PC: variants seen among roughly 807,000 people sequenced by gnomAD.
PC encodes the protein pyruvate carboxylase.
PC carries 46 observed loss-of-function variants against 107.8 expected under a neutral mutation model. The observed-to-expected ratio is 0.43, with a 90% CI of 0.34 to 0.55. The LOEUF (loss-of-function observed/expected upper bound fraction) is 0.55, where lower values mean the gene tolerates loss of function less well. Among genes scored for constraint, PC ranks in the 20% least tolerant of loss-of-function variants. PC has a pLI of 0.04. For missense variants in PC, 1,241 were observed against 1,643.1 expected, an observed-to-expected ratio of 0.76 and a Z score of 4.23; for synonymous variants, 662 against 684.7, an observed-to-expected ratio of 0.97 and a Z score of 0.52.
chr11:66,937,237 C>T (rs189665179), intron 3 of PC, among the ~76,000 whole-genome samples: 1 of 152,224 alleles, frequency 6.6e-6, no homozygotes, highest in Admixed American at 6.5e-5. Context: ...GAGGTCAGGA[C>T]CATCTAAGAC....
At chr11:66,862,642 A>T (rs1200888260) in intron 12 of PC, among the ~76,000 whole-genome samples, 1 of 152,166 alleles carries the variant, frequency 6.6e-6, no homozygotes, top group Non-Finnish European at 1.5e-5. Flanking sequence ...TGCCATTCTG[A>T]GGGTGGCTCC....
At chr11:66,914,354 A>C (rs1222874117) in intron 3 of PC, among the ~76,000 whole-genome samples, 1 of 152,146 alleles carries the variant, frequency 6.6e-6, no homozygotes, top group Non-Finnish European at 1.5e-5. Flanking sequence ...TCTACTAAAA[A>C]TACAAAAATT....
chr11:66,920,170 G>A (rs935589671), intron 3 of PC, among the ~76,000 whole-genome samples: 4 of 152,132 alleles, frequency 2.6e-5, no homozygotes, highest in African/African-American at 9.7e-5. Flanking sequence ...GGGAGGAGGG[G>A]AAAGACGAGA....
rs1946700546 is a variant in PC at position 66,870,869 on chromosome 11, C to T, written c.657G>A (p.Arg219=). The T allele has an allele frequency of 6.2e-7, 1 of 1,613,342 alleles. No individual in the cohort carries two copies. Among genetic ancestry groups the T allele is most frequent in the Non-Finnish European group, 8.5e-7 (1 of 1,180,016 alleles). The change falls in exon 8 of 23, where the codon CGG becomes CGA. Residue 219 remains arginine, a synonymous_variant. Transcript: ENST00000393960. The surrounding 1 kb of genome is among the most constrained non-coding windows in gnomAD (Gnocchi z 6.1). ...SYEELEENYT[R]AYSEALAAFG... ...AGGCGGCCAGAGCCTCTGAGTAGGC[C>T]CGGGTGTAATTCTCCTCCAGCTCCT...
intron 3 of PC, among the ~76,000 whole-genome samples, chr11:66,951,343 G>A (rs577199328): frequency 6.6e-6 from 1 of 152,178 alleles, no homozygotes; most frequent in African/African-American, 2.4e-5. Context: ...AGACCAGCAG[G>A]GGGAGAGGGG....
intron 3 of PC, among the ~76,000 whole-genome samples, chr11:66,907,089 A>G (rs1948189174): frequency 6.6e-6 from 1 of 152,254 alleles, no homozygotes; most frequent in Non-Finnish European, 1.5e-5. Flanking sequence ...AACTATGAGC[A>G]GGGCCTCCCC....
At chr11:66,886,208 G>C (rs576830313) in intron 3 of PC, among the ~76,000 whole-genome samples, 1 of 151,826 alleles carries the variant, frequency 6.6e-6, no homozygotes, top group African/African-American at 2.4e-5. Flanking sequence ...GGGAGGGAGG[G>C]GGGCAGGCAG....
Position 66,852,946 on chromosome 11 carries a change from C to A in PC, c.1514-110G>T, listed in dbSNP as rs538855994. 4 of 890,660 alleles carry A rather than the reference C, an allele frequency of 4.5e-6. No homozygotes were observed. In the East Asian group the frequency reaches 7.9e-5, roughly 18 times the overall value. 55.2% of individuals were successfully genotyped at this position (890,660 alleles called of 1,614,324 possible). A position where few individuals can be genotyped will look rare whatever the true frequency, so the allele number is the denominator to read the frequency against. On this transcript the variant is annotated intron_variant, in intron 13 of 22. Transcript: ENST00000393960. The surrounding 1 kb of genome is among the most constrained non-coding windows in gnomAD (Gnocchi z 4.7). ...CAGGGACACATCCCTCCAGGATCCC[C>A]GGGCTTCCAGCTGGCCCCTGTCCTC...
At chr11:66,896,555 G>C (rs564454066) in intron 3 of PC, among the ~76,000 whole-genome samples, 155 of 152,384 alleles carry the variant, frequency 1.0e-3, no homozygotes, top group African/African-American at 3.7e-3. Flanking sequence ...AAATCCCTGG[G>C]AGAGGGCACG....
rs1945910054 is a variant in PC at position 66,857,197 on chromosome 11, T to A, written c.1369-3814A>T. On this transcript the variant is annotated intron_variant, in intron 12 of 22. Coordinates refer to ENST00000393960, the MANE Select transcript of PC (RefSeq NM_001040716.2). This position sits in a 1 kb window ranked among gnomAD's most constrained non-coding sequence, Gnocchi z 7.1. ...AGGGTGGGCGGCGGGCGGCCGGTCA[T>A]CCCCGGGCCTCGTCCCCGCGGGAGA... 1 of 147,898 alleles carries A rather than the reference T, an allele frequency of 6.8e-6. No individual in the cohort carries two copies. Among genetic ancestry groups the A allele is most frequent in the Non-Finnish European group, 1.5e-5 (1 of 66,630 alleles). The allele number at this position is 147,898 out of a possible 1,614,324, so 9.2% of individuals were successfully genotyped here. A position where few individuals can be genotyped will look rare whatever the true frequency, so the allele number is the denominator to read the frequency against.
intron 12 of PC, among the ~76,000 whole-genome samples, chr11:66,862,788 A>C (rs934847133): frequency 1.2e-4 from 18 of 152,304 alleles, no homozygotes; most frequent in Middle Eastern, 3.4e-3. Context: ...TCCTCATGCC[A>C]GGCAGGGCAC....
rs372044293 is a variant in PC, at chr11:66,853,755, A to G, written c.1369-372T>C. 1.2e-4 allele frequency among the ~76,000 whole-genome samples: 18 copies of G among 152,088 alleles called. No homozygotes were observed. In the South Asian group the frequency reaches 2.9e-3, roughly 25 times the overall value. ...GAGGGCCTTGACCGCAACAGACCAC[A>G]CTCTGGCACTCTAAGTCACTCCTCC... On this transcript the variant is annotated intron_variant, in intron 12 of 22. Transcript: ENST00000393960.
intron 3 of PC, among the ~76,000 whole-genome samples, chr11:66,893,471 T>C (rs971906086): frequency 6.6e-6 from 1 of 152,116 alleles, no homozygotes; most frequent in African/African-American, 2.4e-5. Flanking sequence ...CTTAATTTGA[T>C]CAAAACATGA....
intron 3 of PC, among the ~76,000 whole-genome samples, chr11:66,940,233 C>A (rs1478882629): frequency 1.4e-5 from 2 of 146,390 alleles, no homozygotes; most frequent in African/African-American, 5.1e-5. Context: ...GGGTCTCACT[C>A]TGTTGTCCAG....
intron 3 of PC, among the ~76,000 whole-genome samples, chr11:66,912,481 G>C (rs764151970): frequency 3.3e-5 from 5 of 152,204 alleles, no homozygotes; most frequent in African/African-American, 1.2e-4. Context: ...AAGAGGCAGC[G>C]AGGTGAGCGG....
intron 12 of PC, among the ~76,000 whole-genome samples, chr11:66,856,074 G>A (rs1945797327): frequency 6.6e-6 from 1 of 152,228 alleles, no homozygotes; most frequent in African/African-American, 2.4e-5. Flanking sequence ...GGGCACAGCT[G>A]GAAGGAAACC....
In PC at chr11:66,852,918, G is replaced by T; in HGVS notation, c.1514-82C>A. Reference sequence around the variant, plus strand: ...CAGCAGTGAGAGTGGCTGGGCTCAGGGACAGGGACACATCCCTCCAGGATC... The same window carrying T: ...CAGCAGTGAGAGTGGCTGGGCTCAGTGACAGGGACACATCCCTCCAGGATC... On this transcript the variant is annotated intron_variant, in intron 13 of 22. Coordinates refer to ENST00000393960, the MANE Select transcript of PC (RefSeq NM_001040716.2). This position sits in a 1 kb window ranked among gnomAD's most constrained non-coding sequence, Gnocchi z 4.7. The T allele has an allele frequency of 9.5e-7, 1 of 1,056,996 alleles. No individual in the cohort carries two copies. Among genetic ancestry groups the T allele is most frequent in the Non-Finnish European group, 1.4e-6 (1 of 725,752 alleles). 65.5% of individuals were successfully genotyped at this position (1,056,996 alleles called of 1,614,324 possible). A position where few individuals can be genotyped will look rare whatever the true frequency, so the allele number is the denominator to read the frequency against.
At chr11:66,945,772 C>A (rs114039142) in intron 3 of PC, among the ~76,000 whole-genome samples, 7,549 of 107,578 alleles carry the variant, frequency 0.07, 2,380 homozygotes, top group African/African-American at 0.23. Flanking sequence ...AAAATAAAAA[C>A]CATAGTATTT....
chr11:66,936,900 C>T (rs1437525286), intron 3 of PC, among the ~76,000 whole-genome samples: 2 of 151,940 alleles, frequency 1.3e-5, no homozygotes, highest in Non-Finnish European at 2.9e-5. Context: ...AATGCAGTGG[C>T]GCGATCTTGG....
Sources: allele counts gnomAD v4.1 joint callset (sites outside exome capture counted in the v4.1 genomes callset), GRCh38; gene constraint gnomAD v4.1.1; non-coding constraint Gnocchi (gnomAD v3.1); transcripts MANE v1.5; gene names NCBI Gene and HGNC (gene_info 2026-07-23, HGNC 2026-07-21).